Variants in CADM1 observed in about 807,000 individuals in gnomAD.
CADM1 encodes the protein cell adhesion molecule 1.
CADM1 carries 15 observed loss-of-function variants against 53.1 expected under a neutral mutation model. The observed-to-expected ratio is 0.28, with a 90% CI of 0.19 to 0.44. The LOEUF (loss-of-function observed/expected upper bound fraction) is 0.44, where lower values mean the gene tolerates loss of function less well. Ranked by LOEUF, CADM1 falls within the 20% of genes least tolerant of loss-of-function variation. The probability of loss-of-function intolerance (pLI) is 1.00; values close to 1 mark genes in which losing one functional copy is unlikely to be tolerated. For synonymous variants in CADM1, 281 were observed against 243.0 expected, an observed-to-expected ratio of 1.16 and a Z score of -1.45; for missense variants, 434 against 611.3, an observed-to-expected ratio of 0.71 and a Z score of 3.06.
intron 1 of CADM1, among the ~76,000 whole-genome samples, chr11:115,351,105 A>C (rs1945723702): frequency 6.9e-6 from 1 of 145,256 alleles, no homozygotes; most frequent in Non-Finnish European, 1.5e-5. Context: ...GTTGGCAGAT[A>C]GACATGGTTG....
chr11:115,408,290 G>T (rs1280046388), intron 1 of CADM1, among the ~76,000 whole-genome samples: 1 of 152,198 alleles, frequency 6.6e-6, no homozygotes, highest in South Asian at 2.1e-4. Flanking sequence ...TAAAGGAAAT[G>T]TGTCATTTTT....
chr11:115,473,083 C>T (rs771173111), intron 1 of CADM1, among the ~76,000 whole-genome samples: 1 of 152,148 alleles, frequency 6.6e-6, no homozygotes, highest in African/African-American at 2.4e-5. Context: ...AGTATTAATG[C>T]AATCATTTGC....
At chr11:115,295,506 T>TTATATA (rs71066412) in intron 1 of CADM1, among the ~76,000 whole-genome samples, 1,162 of 54,458 alleles carry the variant, frequency 0.021, 18 homozygotes, top group Non-Finnish European at 0.027. Flanking sequence ...TCAAGATATT[T>TTATATA]TATATATATA....
At chr11:115,208,284 GTTC>G (rs1940791913) in intron 8 of CADM1, among the ~76,000 whole-genome samples, 1 of 152,266 alleles carries the variant, frequency 6.6e-6, no homozygotes, top group African/African-American at 2.4e-5. Flanking sequence ...TTCCTTAAGG[GTTC>G]TTTTTTCCAC....
chr11:115,198,106 C>A (rs1451652441), intron 9 of CADM1, among the ~76,000 whole-genome samples: 2 of 152,124 alleles, frequency 1.3e-5, no homozygotes. Context: ...TTTGAAGCCC[C>A]ATGTATTTCA....
chr11:115,314,771 T>C (rs1944617959), intron 1 of CADM1, among the ~76,000 whole-genome samples: 1 of 152,150 alleles, frequency 6.6e-6, no homozygotes, highest in East Asian at 1.9e-4. Context: ...CAAGCGTTCA[T>C]TCACAAACCC....
In CADM1 at chr11:115,454,059, AT is replaced by A. The variant is rs371351667; in HGVS notation, c.124+50211del. ...TTCTAAAATGTTCTTTAAAAAAAAAATAAAACAAAACAAAAAAAAAACAAAG... is the reference window on the plus strand; with the variant it reads ...TTCTAAAATGTTCTTTAAAAAAAAAAAAAACAAAACAAAAAAAAAACAAAG... On this transcript the variant is annotated intron_variant, in intron 1 of 11. Coordinates refer to ENST00000331581, the MANE Select transcript of CADM1 (RefSeq NM_001301043.2). Among the ~76,000 whole-genome samples, 83 of 152,174 alleles carry A rather than the reference AT, an allele frequency of 5.5e-4. 1 individual carries two copies. In the East Asian group the frequency reaches 0.012, roughly 23 times the overall value.
intron 1 of CADM1, among the ~76,000 whole-genome samples, chr11:115,285,350 C>G (rs1481955341): frequency 6.6e-6 from 1 of 152,230 alleles, no homozygotes; most frequent in Admixed American, 6.5e-5. Flanking sequence ...CTCTGTGCTA[C>G]AAATTGTTCT....
chr11:115,275,189 AT>A (rs1176503502), intron 1 of CADM1, among the ~76,000 whole-genome samples: 1 of 152,088 alleles, frequency 6.6e-6, no homozygotes, highest in Non-Finnish European at 1.5e-5. Flanking sequence ...ACATACAGTC[AT>A]TTCTCTATGC....
chr11:115,197,685 T>C (rs1940223569), intron 9 of CADM1, among the ~76,000 whole-genome samples: 1 of 152,124 alleles, frequency 6.6e-6, no homozygotes, highest in Non-Finnish European at 1.5e-5. Context: ...GTATTACTAT[T>C]TTACCTGCAA....
chr11:115,201,092 G>C (rs1041942336), intron 8 of CADM1, among the ~76,000 whole-genome samples: 9 of 152,172 alleles, frequency 5.9e-5, no homozygotes, highest in Admixed American at 5.9e-4. Context: ...GGGAGGAAAG[G>C]GGGATGTTGA....
intron 11 of CADM1, 53 bp downstream of exon 11, chr11:115,178,591 A>G (rs11215399): frequency 0.25 from 393,476 of 1,596,338 alleles, 51,114 homozygotes; most frequent in South Asian, 0.33. Flanking sequence ...TAAAGTCTCC[A>G]AAGGCAGAAG....
At chr11:115,276,953 C>T in intron 1 of CADM1, among the ~76,000 whole-genome samples, 1 of 152,156 alleles carries the variant, frequency 6.6e-6, no homozygotes, top group Admixed American at 6.5e-5. Context: ...AAAGAAAAGT[C>T]GATCTGTGCC....
At chr11:115,176,701 G>T in intron 11 of CADM1, 109 bp from the exon 12 acceptor site, 1 of 911,292 alleles carries the variant, frequency 1.1e-6, no homozygotes, top group African/African-American at 1.6e-5. Flanking sequence ...TGGTGTGCAG[G>T]CAGCAGAGGG....
intron 1 of CADM1, among the ~76,000 whole-genome samples, chr11:115,490,620 G>A (rs1949474268): frequency 6.6e-6 from 1 of 152,028 alleles, no homozygotes; most frequent in Non-Finnish European, 1.5e-5. Context: ...GGCCGATCTC[G>A]AACTCCTGAC....
At chr11:115,184,777 T>G (rs1939466943) in intron 10 of CADM1, among the ~76,000 whole-genome samples, 1 of 152,246 alleles carries the variant, frequency 6.6e-6, no homozygotes, top group Non-Finnish European at 1.5e-5. Flanking sequence ...ATCCTCATGG[T>G]GCCACCCAGA....
intron 1 of CADM1, among the ~76,000 whole-genome samples, chr11:115,289,907 T>C (rs1276630056): frequency 2.6e-5 from 4 of 152,348 alleles, no homozygotes; most frequent in Non-Finnish European, 4.4e-5. Flanking sequence ...GAATTTTTAA[T>C]TGTATTGAAT....
Position 115,316,407 on chromosome 11 carries a change from C to G in CADM1, c.125-75987G>C, listed in dbSNP as rs192031194. 3.9e-5 allele frequency among the ~76,000 whole-genome samples: 6 copies of G among 152,216 alleles called. No individual in the cohort carries two copies. The East Asian group carries it at 1.2e-3, about 29-fold the overall frequency. On this transcript the variant is annotated intron_variant, in intron 1 of 11. Coordinates refer to ENST00000331581, the MANE Select transcript of CADM1 (RefSeq NM_001301043.2). ...GTTCAGCTTGTTGATAGTTTTCATT[C>G]TTTCCACAATGGCCAAAGAATAGAA...
At chr11:115,348,778 T>C (rs972378005) in intron 1 of CADM1, among the ~76,000 whole-genome samples, 3 of 152,166 alleles carry the variant, frequency 2.0e-5, no homozygotes, top group Non-Finnish European at 4.4e-5. Context: ...GAGGTGCTTA[T>C]TTAAAAAGAA....
Sources: allele counts gnomAD v4.1 joint callset (sites outside exome capture counted in the v4.1 genomes callset), GRCh38; gene constraint gnomAD v4.1.1; transcripts MANE v1.5; gene names NCBI Gene and HGNC (gene_info 2026-07-23, HGNC 2026-07-21).